The following MAP1LC3A variants were observed in gnomAD, a reference collection of about 807,000 sequenced individuals.
MAP1LC3A encodes microtubule-associated protein 1 light chain 3 alpha.
In MAP1LC3A, 10 loss-of-function variants were observed where a neutral mutation model predicts 15.2. The ratio of observed to expected loss-of-function variants is 0.66; its 90% confidence interval spans 0.41 to 1.12. MAP1LC3A has a LOEUF of 1.12. Ranked by LOEUF, MAP1LC3A falls within the 50% of genes most tolerant of loss-of-function variation. The pLI is 0.00. For synonymous variants in MAP1LC3A, 63 were observed against 64.3 expected (o/e 0.98, Z 0.10); for missense variants, 138 against 167.3 (o/e 0.82, Z 0.97).
rs146010203 is a variant in MAP1LC3A, at chr20:34,547,778, C to T, written c.-74+862C>T. 5.1e-4 allele frequency among the ~76,000 whole-genome samples: 77 copies of T among 152,298 alleles called. 1 individual carries two copies. Among genetic ancestry groups the T allele is most frequent in the African/African-American group, 1.7e-3 (70 of 41,582 alleles). On this transcript the variant is annotated intron_variant, in intron 1 of 4. Coordinates refer to the MAP1LC3A transcript ENST00000374837. ...AAACCTCTTTTCTTTGTAAATTACT[C>T]AGGCTCGGGCAGTTCTTCACAGCAG...
Position 34,548,119 on chromosome 20 carries a change from C to A in MAP1LC3A, c.-74+1203C>A, listed in dbSNP as rs542561131. 6.0e-3 allele frequency among the ~76,000 whole-genome samples: 918 copies of A among 151,972 alleles called. 5 individuals are homozygous for A. Among genetic ancestry groups the A allele is most frequent in the Non-Finnish European group, 0.01 (706 of 67,956 alleles). Reference sequence around the variant, plus strand: ...GAGGGGGAGTCCACCTGGGCCTGGACCAGGTGATGGGATGAGAAGGGAGGG... The same window carrying A: ...GAGGGGGAGTCCACCTGGGCCTGGAACAGGTGATGGGATGAGAAGGGAGGG... On this transcript the variant is annotated intron_variant, in intron 1 of 4. Coordinates refer to the MAP1LC3A transcript ENST00000374837.
chr20:34,554,876 A>AT (rs1195057316), upstream of MAP1LC3A, among the ~76,000 whole-genome samples: 783 of 136,244 alleles, frequency 5.7e-3, 1 homozygote, highest in African/African-American at 0.015. Flanking sequence ...TATTTTTTGT[A>AT]TTTTTTTTTT....
chr20:34,550,991 T>A (rs543763000), intron 2 of MAP1LC3A, among the ~76,000 whole-genome samples: 2 of 152,098 alleles, frequency 1.3e-5, no homozygotes, highest in African/African-American at 4.8e-5. Context: ...CTCATGCTTG[T>A]AATCTCAGCA....
chr20:34,547,440 A>C (rs1410590043), intron 1 of MAP1LC3A, among the ~76,000 whole-genome samples: 22 of 106,112 alleles, frequency 2.1e-4, no homozygotes, highest in African/African-American at 8.0e-4. Context: ...TTTTTTTTTT[A>C]AATAGAGACA....
chr20:34,553,198 AAAT>A (rs1474846216), intron 2 of MAP1LC3A, among the ~76,000 whole-genome samples: 27 of 152,168 alleles, frequency 1.8e-4, no homozygotes, highest in Non-Finnish European at 2.2e-4. Flanking sequence ...CAAAAATGAA[AAAT>A]AAATAAATGA....
At chr20:34,557,357 T>C (rs1335742128), upstream of MAP1LC3A, among the ~76,000 whole-genome samples, 1 of 152,224 alleles carries the variant, frequency 6.6e-6, no homozygotes, top group Non-Finnish European at 1.5e-5. Context: ...TTGTATTCTT[T>C]TGGTGATCCT....
chr20:34,558,459 C>G (rs1286803397), upstream of MAP1LC3A: 21 of 1,005,172 alleles, frequency 2.1e-5, no homozygotes, highest in South Asian at 9.2e-5. The surrounding 1 kb of genome is among the most constrained non-coding windows in gnomAD (Gnocchi z 4.3). Flanking sequence ...CAGCCTGGCC[C>G]GCCCGCTCCA....
At chr20:34,551,736 T>C (rs1453568002) in intron 2 of MAP1LC3A, among the ~76,000 whole-genome samples, 1 of 152,084 alleles carries the variant, frequency 6.6e-6, no homozygotes, top group Non-Finnish European at 1.5e-5. Context: ...AGTGCTGGGA[T>C]TACAGGCGTG....
At chr20:34,559,116 G>T (rs1035493827) in intron 1 of MAP1LC3A, 92 bp from the exon 2 acceptor site, 5 of 1,382,428 alleles carry the variant, frequency 3.6e-6, no homozygotes, top group Non-Finnish European at 4.7e-6. Context: ...GGGGGCTGGA[G>T]CTGGGGCGTG....
chr20:34,560,247 A>G lies in MAP1LC3A; in HGVS notation c.*349A>G. On this transcript the variant is annotated 3_prime_UTR_variant, in exon 4 of 4. Transcript: ENST00000360668. ...CCGCCTGGACCTGCCCACCCCTGAA[A>G]GACTGGCCCCTGGCTCCCCGCCCCT... is the stretch of plus-strand genomic sequence containing the variant. 4.0e-6 allele frequency: 1 copy of G among 249,082 alleles called. No homozygotes were observed. The highest frequency in any genetic ancestry group is 7.8e-6 in the Non-Finnish European group (1 of 127,648). The allele number at this position is 249,082 out of a possible 1,614,324, so 15.4% of individuals were successfully genotyped here.
At chr20:34,549,683 G>A (rs1424210713) in intron 1 of MAP1LC3A, among the ~76,000 whole-genome samples, 2 of 152,206 alleles carry the variant, frequency 1.3e-5, no homozygotes, top group African/African-American at 4.8e-5. Flanking sequence ...GGGTTATTCA[G>A]AAATAGCTAG....
In MAP1LC3A at chr20:34,559,729, G is replaced by A; in HGVS notation, c.204-7G>A. On this transcript the variant is annotated splice_region_variant and splice_polypyrimidine_tract_variant and intron_variant, in intron 3 of 3. Transcript: ENST00000360668. Reference sequence around the variant, plus strand: ...CTCACAGCTGCATACTCTCCCGCCGGCTGCAGGCGCCGCCTGCAGCTGAAC... The same window carrying A: ...CTCACAGCTGCATACTCTCCCGCCGACTGCAGGCGCCGCCTGCAGCTGAAC... The A allele has an allele frequency of 6.3e-7, 1 of 1,597,264 alleles. No homozygotes were observed. Among genetic ancestry groups the A allele is most frequent in the Non-Finnish European group, 8.5e-7 (1 of 1,175,164 alleles).
chr20:34,559,174 C>G (rs775129401), intron 1 of MAP1LC3A, 34 bp from the exon 2 acceptor site: 7 of 1,536,324 alleles, frequency 4.6e-6, no homozygotes, highest in African/African-American at 4.1e-5. Context: ...TGGGCCGGCC[C>G]GACCCGGCCT....
At chr20:34,547,417 CTTTTTTTTTTT>C (rs935450076) in intron 1 of MAP1LC3A, among the ~76,000 whole-genome samples, 1 of 121,088 alleles carries the variant, frequency 8.3e-6, no homozygotes, top group Admixed American at 8.4e-5. Context: ...CGCTCCCCAC[CTTTTTTTTTTT>C]TTTTTTTTTT....
chr20:34,559,140 C>A, intron 1 of MAP1LC3A, 68 bp from the exon 2 acceptor site: 1 of 1,418,936 alleles, frequency 7.0e-7, no homozygotes, highest in South Asian at 1.6e-5. Flanking sequence ...GGGGGCCGCC[C>A]CTCCGGGACA....
chr20:34,554,562 C>T (rs1002874825), upstream of MAP1LC3A, among the ~76,000 whole-genome samples: 1 of 151,322 alleles, frequency 6.6e-6, no homozygotes, highest in Non-Finnish European at 1.5e-5. Context: ...TTAGTAGAGA[C>T]GGGGTTTCAC....
intron 2 of MAP1LC3A, among the ~76,000 whole-genome samples, chr20:34,550,916 C>G (rs1046114129): frequency 7.2e-5 from 11 of 152,270 alleles, no homozygotes; most frequent in African/African-American, 2.6e-4. Context: ...AATGGAAAAA[C>G]TGCTACATCC....
chr20:34,559,572 G>C, intron 3 of MAP1LC3A, 119 bp downstream of exon 3: 1 of 1,244,134 alleles, frequency 8.0e-7, no homozygotes, highest in Non-Finnish European at 1.1e-6. Context: ...CCCTGTTCTG[G>C]GGTGGCTGGA....
upstream of MAP1LC3A, among the ~76,000 whole-genome samples, chr20:34,557,458 A>G (rs776361690): frequency 1.2e-4 from 19 of 152,172 alleles, no homozygotes; most frequent in Non-Finnish European, 2.2e-4. Flanking sequence ...TCAGTCTTCC[A>G]TGTTCTTGTG....
Sources: gnomAD v4.1 joint callset for allele counts (sites outside exome capture counted in the v4.1 genomes callset) on GRCh38, gnomAD v4.1.1 for gene constraint, Gnocchi (gnomAD v3.1) non-coding constraint, MANE v1.5 for transcripts, NCBI Gene and HGNC (gene_info 2026-07-23, HGNC 2026-07-21) for gene names.